The following ARHGAP24 variants were observed in gnomAD, a reference collection of about 807,000 sequenced individuals.
ARHGAP24 encodes the protein rho GTPase-activating protein 24.
A neutral mutation model predicts 76.4 loss-of-function variants in ARHGAP24; 50 were observed. The ratio of observed to expected loss-of-function variants is 0.65; its 90% CI spans 0.52 to 0.83. The LOEUF (loss-of-function observed/expected upper bound fraction) is 0.83. ARHGAP24 is among the 40% of genes least tolerant of loss of function. The pLI is 0.00. For missense variants in ARHGAP24, 930 were observed against 914.2 expected (o/e 1.02, Z -0.22); for synonymous variants, 345 against 323.3 (o/e 1.07, Z -0.72).
At position 85,727,621 on chromosome 4, in the gene ARHGAP24, G is replaced by A. The variant is rs570444517; in HGVS notation, c.268+5649G>A. On this transcript the variant is annotated intron_variant, in intron 3 of 9. Transcript: ENST00000395184. Reference sequence around the variant, plus strand: ...TGGGATCCAATTCTCTTTCATTACCGAGTATACATTGCTGAAATTGTTCTC... The same window carrying A: ...TGGGATCCAATTCTCTTTCATTACCAAGTATACATTGCTGAAATTGTTCTC... 1.5e-4 allele frequency among the ~76,000 whole-genome samples: 23 copies of A among 152,228 alleles called. No individual in the cohort carries two copies. In the South Asian group the frequency reaches 2.7e-3, roughly 18 times the overall value.
intron 2 of ARHGAP24, among the ~76,000 whole-genome samples, chr4:85,694,008 C>T (rs765536621): frequency 1.8e-4 from 28 of 152,154 alleles, no homozygotes; most frequent in Non-Finnish European, 3.7e-4. Flanking sequence ...CCACTCCTTC[C>T]CCAGGAGCCT....
intron 1 of ARHGAP24, among the ~76,000 whole-genome samples, chr4:85,484,000 A>C (rs1722922738): frequency 6.6e-6 from 1 of 152,260 alleles, no homozygotes; most frequent in South Asian, 2.1e-4. Flanking sequence ...TAAATACTTA[A>C]GAGTGATTAA....
chr4:85,545,467 A>T (rs1190407863), intron 1 of ARHGAP24, among the ~76,000 whole-genome samples: 1 of 152,130 alleles, frequency 6.6e-6, no homozygotes, highest in Admixed American at 6.6e-5. Context: ...TTCATAAAGG[A>T]CCTAGCGCAT....
Position 86,000,864 on chromosome 4 carries a change from A to C in ARHGAP24, c.*142A>C, listed in dbSNP as rs1433245601. ...GGAATATCATTTACAGACATTAAAC[A>C]TCCATATCTGCAATGTGTACCAAAG... On this transcript the variant is annotated 3_prime_UTR_variant, in exon 10 of 10. Coordinates refer to ENST00000395184, the MANE Select transcript of ARHGAP24 (RefSeq NM_001025616.3). 7.2e-6 allele frequency: 9 copies of C among 1,254,180 alleles called. No individual in the cohort carries two copies. The highest frequency in any genetic ancestry group is 1.0e-5 in the Non-Finnish European group (9 of 896,734). 77.7% of individuals were successfully genotyped at this position (1,254,180 alleles called of 1,614,324 possible).
At chr4:85,815,894 G>A (rs778354425) in intron 3 of ARHGAP24, among the ~76,000 whole-genome samples, 12 of 152,178 alleles carry the variant, frequency 7.9e-5, no homozygotes, top group Admixed American at 2.0e-4. Flanking sequence ...ATGGCTTCAC[G>A]TGGCTGGGGA....
intron 1 of ARHGAP24, among the ~76,000 whole-genome samples, chr4:85,568,480 C>T (rs1578043138): frequency 6.6e-6 from 1 of 152,132 alleles, no homozygotes; most frequent in East Asian, 1.9e-4. Context: ...TTAGGGTGGT[C>T]TAGCTAAGCA....
chr4:85,583,860 A>G (rs1727722578), intron 2 of ARHGAP24, among the ~76,000 whole-genome samples: 1 of 139,146 alleles, frequency 7.2e-6, no homozygotes, highest in Non-Finnish European at 1.6e-5. Context: ...ATCACTGGCC[A>G]TCAGAGAAAT....
chr4:85,747,442 A>G (rs1014309835), intron 3 of ARHGAP24, among the ~76,000 whole-genome samples: 2 of 152,120 alleles, frequency 1.3e-5, no homozygotes, highest in Admixed American at 6.6e-5. Flanking sequence ...GGTGGCTCAC[A>G]CCTGTAATCC....
intron 3 of ARHGAP24, among the ~76,000 whole-genome samples, chr4:85,884,140 C>T (rs531643448): frequency 6.6e-6 from 1 of 152,288 alleles, no homozygotes; most frequent in African/African-American, 2.4e-5. Flanking sequence ...TAAATTAACA[C>T]TCTCAACTGC....
chr4:85,567,336 A>C (rs1049521183), intron 1 of ARHGAP24, among the ~76,000 whole-genome samples: 2 of 152,210 alleles, frequency 1.3e-5, no homozygotes, highest in African/African-American at 4.8e-5. Flanking sequence ...AGTGGACTGC[A>C]CCATAAGGTG....
At chr4:85,969,990 TAGTTA>T (rs1738877474) in intron 5 of ARHGAP24, among the ~76,000 whole-genome samples, 1 of 152,200 alleles carries the variant, frequency 6.6e-6, no homozygotes. Flanking sequence ...TAAAATTAGC[TAGTTA>T]AAACAAGCCC....
chr4:85,644,773 A>G (rs1258419238), intron 2 of ARHGAP24, among the ~76,000 whole-genome samples: 1 of 152,082 alleles, frequency 6.6e-6, no homozygotes, highest in Non-Finnish European at 1.5e-5. Flanking sequence ...ACTTTTCTGA[A>G]CTGTTTCAAG....
intron 1 of ARHGAP24, among the ~76,000 whole-genome samples, chr4:85,543,544 T>C (rs983343317): frequency 2.0e-5 from 3 of 152,224 alleles, no homozygotes; most frequent in African/African-American, 7.2e-5. Flanking sequence ...ATTCTGTGAA[T>C]GATAAAACTA....
At chr4:85,527,566 T>C (rs990832578) in intron 1 of ARHGAP24, among the ~76,000 whole-genome samples, 1 of 152,118 alleles carries the variant, frequency 6.6e-6, no homozygotes, top group African/African-American at 2.4e-5. Context: ...TTAGCAACCT[T>C]ATCTTGCATA....
chr4:85,700,009 T>C (rs1258412846), intron 2 of ARHGAP24, among the ~76,000 whole-genome samples: 3 of 152,328 alleles, frequency 2.0e-5, no homozygotes, highest in East Asian at 3.9e-4. Context: ...ACAAGCTGGA[T>C]TGAGATTTTA....
At chr4:85,985,125 A>G (rs547898047) in intron 8 of ARHGAP24, among the ~76,000 whole-genome samples, 1 of 152,296 alleles carries the variant, frequency 6.6e-6, no homozygotes, top group East Asian at 1.9e-4. Flanking sequence ...CCCGGCCAGA[A>G]GAGTAACTCT....
intron 1 of ARHGAP24, among the ~76,000 whole-genome samples, chr4:85,516,462 A>T (rs1303286986): frequency 2.0e-5 from 3 of 152,184 alleles, no homozygotes; most frequent in African/African-American, 4.8e-5. Flanking sequence ...TGTTTCACTT[A>T]AAGTTGCAGT....
intron 1 of ARHGAP24, among the ~76,000 whole-genome samples, chr4:85,551,761 A>T (rs1726149316): frequency 6.6e-6 from 1 of 152,026 alleles, no homozygotes; most frequent in Admixed American, 6.6e-5. Flanking sequence ...GGGAGGTTGT[A>T]TGTTTTCAGG....
At position 85,923,373 on chromosome 4, in the gene ARHGAP24, A is replaced by G. The variant is rs572821478; in HGVS notation, c.269-275A>G. Among the ~76,000 whole-genome samples the G allele has an allele frequency of 4.6e-5, 7 of 152,214 alleles. No homozygotes were observed. In the East Asian group the frequency reaches 9.7e-4, roughly 21 times the overall value. Reference sequence around the variant, plus strand: ...CTTCGCGTGAATAGATTGGATTACGAATTGATGCAGGCCTGTGGGTTGTTG... The same window carrying G: ...CTTCGCGTGAATAGATTGGATTACGGATTGATGCAGGCCTGTGGGTTGTTG... On this transcript the variant is annotated intron_variant, in intron 3 of 9. Coordinates refer to ENST00000395184, the MANE Select transcript of ARHGAP24 (RefSeq NM_001025616.3).
Sources: allele counts gnomAD v4.1 joint callset (sites outside exome capture counted in the v4.1 genomes callset), GRCh38; gene constraint gnomAD v4.1.1; transcripts MANE v1.5; gene names NCBI Gene and HGNC (gene_info 2026-07-23, HGNC 2026-07-21).